Variants in DPP10 observed in about 807,000 individuals in gnomAD.
DPP10 encodes dipeptidyl peptidase like 10.
Under a neutral mutation model 120.9 loss-of-function variants are expected in DPP10, and 33 were observed. The ratio of observed to expected loss-of-function variants is 0.27; its 90% CI spans 0.21 to 0.37. The LOEUF (loss-of-function observed/expected upper bound fraction) is 0.37. DPP10 is among the 10% of genes least tolerant of loss of function. The pLI, the probability that DPP10 is intolerant of heterozygous loss-of-function variation, is 1.00. For missense variants in DPP10, 816 were observed against 942.8 expected (o/e 0.87, Z 1.76); for synonymous variants, 337 against 326.1 (o/e 1.03, Z -0.36).
chr2:115,689,616 C>A, intron 5 of DPP10, 71 bp from the exon 6 acceptor site: 1 of 1,008,814 alleles, frequency 9.9e-7, no homozygotes, highest in Admixed American at 2.9e-5. Context: ...CTGGATGTTA[C>A]TAAGAATATA....
chr2:115,226,256 T>C (rs904326427), intron 1 of DPP10, among the ~76,000 whole-genome samples: 1 of 152,182 alleles, frequency 6.6e-6, no homozygotes, highest in Admixed American at 6.6e-5. Flanking sequence ...GTTTGATATG[T>C]TCTTTATTAA....
chr2:115,691,519 A>C (rs994802763), intron 7 of DPP10, among the ~76,000 whole-genome samples: 1 of 152,152 alleles, frequency 6.6e-6, no homozygotes, highest in Non-Finnish European at 1.5e-5. Flanking sequence ...TATGCTGTAC[A>C]TATCCATGAG....
intron 5 of DPP10, among the ~76,000 whole-genome samples, chr2:115,671,517 G>A (rs1050671144): frequency 2.6e-5 from 4 of 151,698 alleles, no homozygotes; most frequent in African/African-American, 9.7e-5. Flanking sequence ...TGGTAGCATG[G>A]CTAGTGCTAC....
intron 1 of DPP10, among the ~76,000 whole-genome samples, chr2:114,989,094 G>T (rs1270092488): frequency 6.6e-6 from 1 of 152,158 alleles, no homozygotes; most frequent in Non-Finnish European, 1.5e-5. Context: ...GTGTATATTA[G>T]ACAGAAGGGT....
chr2:115,525,771 A>G (rs909173177), intron 4 of DPP10, 127 bp from the exon 5 acceptor site: 3 of 654,784 alleles, frequency 4.6e-6, no homozygotes, highest in African/African-American at 1.8e-5. Flanking sequence ...GCAAATATGT[A>G]TACAATATAA....
intron 7 of DPP10, among the ~76,000 whole-genome samples, chr2:115,715,741 T>C (rs912646196): frequency 1.3e-5 from 2 of 152,230 alleles, no homozygotes; most frequent in Admixed American, 6.5e-5. Flanking sequence ...TTTTCTTTTT[T>C]CTTCTATCTT....
chr2:114,755,951 T>A (rs376420059), intron 1 of DPP10, among the ~76,000 whole-genome samples: 72 of 129,700 alleles, frequency 5.6e-4, no homozygotes, highest in Non-Finnish European at 6.5e-4. Context: ...AGGAAGAAAT[T>A]AAAAAAAAAA....
chr2:115,323,660 C>T (rs910679208), intron 2 of DPP10, among the ~76,000 whole-genome samples: 3 of 152,076 alleles, frequency 2.0e-5, no homozygotes, highest in African/African-American at 2.4e-5. Context: ...CTCCTTGATC[C>T]GTAGGCTGCA....
chr2:115,601,606 T>C (rs2149215700), intron 5 of DPP10, among the ~76,000 whole-genome samples: 1 of 152,314 alleles, frequency 6.6e-6, no homozygotes, highest in South Asian at 2.1e-4. Context: ...AAATATTACT[T>C]GGGTTAATGA....
intron 1 of DPP10, among the ~76,000 whole-genome samples, chr2:114,776,585 T>C (rs1304736976): frequency 1.3e-5 from 2 of 152,120 alleles, no homozygotes; most frequent in Non-Finnish European, 2.9e-5. Flanking sequence ...AAAAGAAATA[T>C]TGTTAAATGT....
chr2:115,820,965 T>C (rs1004660835), intron 21 of DPP10, among the ~76,000 whole-genome samples: 1 of 152,188 alleles, frequency 6.6e-6, no homozygotes, highest in African/African-American at 2.4e-5. Context: ...TGACTTCTTT[T>C]CCTCTGGGTA....
intron 1 of DPP10, among the ~76,000 whole-genome samples, chr2:114,905,556 A>G (rs1332101360): frequency 6.6e-6 from 1 of 152,076 alleles, no homozygotes; most frequent in Non-Finnish European, 1.5e-5. Context: ...GGGGTTTGTT[A>G]TACAGATTAT....
At chr2:115,132,043 T>C (rs1345153122) in intron 1 of DPP10, 1 of 152,134 alleles carries the variant, frequency 6.6e-6, no homozygotes, top group Non-Finnish European at 1.5e-5. Context: ...TGAGCCAAGA[T>C]TGTGCCACTG....
In DPP10 at chr2:115,777,810, C is replaced by A; in HGVS notation, c.1337C>A (p.Ser446Tyr). ...QKIYFLSTESSPRGRQLYSAS... is the reference protein window; with the variant it reads ...QKIYFLSTESYPRGRQLYSAS... Reference sequence around the variant, plus strand: ...AGTTACTTTCTGAGCACTGAATCTTCTCCCAGAGGAAGGCAGCTGTACAGG... The same window carrying A: ...AGTTACTTTCTGAGCACTGAATCTTATCCCAGAGGAAGGCAGCTGTACAGG... Residue 446 changes from serine to tyrosine, a missense_variant, in exon 15 of 26, where the codon TCT (serine) becomes TAT (tyrosine). Around this residue, in one of 3 missense-constraint regions of DPP10, gnomAD observed 592 missense variants for 649.0 expected, o/e 0.91. Transcript: ENST00000410059. 4 of 1,613,286 alleles carry A rather than the reference C, an allele frequency of 2.5e-6. No homozygotes were observed. Among genetic ancestry groups the A allele is most frequent in the Non-Finnish European group, 2.5e-6 (3 of 1,179,434 alleles).
chr2:114,807,868 G>A (rs1574236781), intron 1 of DPP10, among the ~76,000 whole-genome samples: 1 of 152,322 alleles, frequency 6.6e-6, no homozygotes, highest in East Asian at 1.9e-4. Context: ...AGGCTCAGAT[G>A]TCTGGGGACT....
intron 1 of DPP10, among the ~76,000 whole-genome samples, chr2:114,470,866 T>G (rs1679849193): frequency 6.6e-6 from 1 of 152,250 alleles, no homozygotes; most frequent in African/African-American, 2.4e-5. Flanking sequence ...GCTGTACACA[T>G]GCAGACATCA....
intron 3 of DPP10, chr2:115,468,368 G>T: frequency 2.0e-6 from 1 of 509,416 alleles, no homozygotes; most frequent in Non-Finnish European, 3.9e-6. Flanking sequence ...TCACTCTTGG[G>T]ATGTTCACTA....
rs72947811 is a variant in DPP10, at chr2:115,031,931, G to A, written c.61-277308G>A. Among the ~76,000 whole-genome samples the A allele has an allele frequency of 3.9e-3, 596 of 152,218 alleles. 3 individuals carry two copies. The highest frequency in any genetic ancestry group is 0.014 in the African/African-American group (569 of 41,534). The stretch of plus-strand genomic sequence containing the variant: ...ATAATATACTACGACAATAATAGGT[G>A]TTGTTGCTGAATTATTCTATTTTCA... On this transcript the variant is annotated intron_variant, in intron 1 of 25. Transcript: ENST00000410059.
chr2:115,178,124 A>G (rs774117958), intron 1 of DPP10, among the ~76,000 whole-genome samples: 1 of 152,120 alleles, frequency 6.6e-6, no homozygotes, highest in Non-Finnish European at 1.5e-5. Flanking sequence ...TTCATGATGA[A>G]TTAGATATTA....
Sources: gnomAD v4.1 joint callset for allele counts (sites outside exome capture counted in the v4.1 genomes callset) on GRCh38, gnomAD v4.1.1 for gene constraint, gnomAD v4.1.1 regional missense constraint, MANE v1.5 for transcripts, NCBI Gene and HGNC (gene_info 2026-07-23, HGNC 2026-07-21) for gene names.